The following PLXDC1 variants were observed in gnomAD, a reference collection of about 807,000 sequenced individuals.
PLXDC1 encodes plexin domain-containing protein 1.
A neutral mutation model predicts 61.3 loss-of-function variants in PLXDC1; 39 were observed. The ratio of observed to expected loss-of-function variants is 0.64; its 90% CI spans 0.49 to 0.83. The LOEUF (loss-of-function observed/expected upper bound fraction) is 0.83, where lower values mean the gene tolerates loss of function less well. PLXDC1 is among the 40% of genes least tolerant of loss of function. The pLI is 0.00. For synonymous variants in PLXDC1, 212 were observed against 254.5 expected (o/e 0.83, Z 1.59); for missense variants, 596 against 666.5 (o/e 0.89, Z 1.17).
At chr17:39,138,790 A>G (rs1377688418) in intron 2 of PLXDC1, among the ~76,000 whole-genome samples, 5 of 152,160 alleles carry the variant, frequency 3.3e-5, no homozygotes, top group South Asian at 2.1e-4. Flanking sequence ...AAATAAATCT[A>G]TACTGAGAAG....
Position 39,108,155 on chromosome 17 carries a change from G to A in PLXDC1, c.560C>T (p.Ser187Phe). 6.2e-7 allele frequency: 1 copy of A among 1,614,196 alleles called. No homozygotes were observed. The highest frequency in any genetic ancestry group is 8.5e-7 in the Non-Finnish European group (1 of 1,180,016). ...AAAGTAAACAACTGTGGAGTTGTCG[G>A]AGTAGCCAGGGTTGAAGTTGGCCAT... ...PLMANFNPGY[S>F]DNSTVVYFDN... The change falls in exon 5 of 14, where the codon TCC (serine) becomes TTC (phenylalanine). Residue 187 changes from serine (S) to phenylalanine (F), a missense_variant. Ser to Phe is a radical substitution (Grantham distance 155). Coordinates refer to ENST00000315392, the MANE Select transcript of PLXDC1 (RefSeq NM_020405.5).
intron 1 of PLXDC1, among the ~76,000 whole-genome samples, chr17:39,150,903 G>T (rs2045368211): frequency 1.3e-5 from 2 of 152,182 alleles, no homozygotes; most frequent in Non-Finnish European, 2.9e-5. Flanking sequence ...CATCCCCCTG[G>T]CTGCTCCCAC....
intron 2 of PLXDC1, among the ~76,000 whole-genome samples, chr17:39,112,700 G>A (rs781090209): frequency 6.6e-6 from 1 of 152,086 alleles, no homozygotes; most frequent in Non-Finnish European, 1.5e-5. Flanking sequence ...TCACCTCTGT[G>A]CCTATGGCTC....
At chr17:39,108,499 C>T (rs1910675914) in intron 4 of PLXDC1, 4 of 560,512 alleles carry the variant, frequency 7.1e-6, no homozygotes, top group East Asian at 3.0e-5. Context: ...GAGGAGAGGA[C>T]TCACAGCTTT....
Position 39,077,893 on chromosome 17 carries a change from C to G in PLXDC1, c.1186+20G>C. ...CCTTCCTGGCCTCCTCTCTGCTCCCCTCCTGGGCTCAGAACTTACCTTCTG... is the reference window on the plus strand; with the variant it reads ...CCTTCCTGGCCTCCTCTCTGCTCCCGTCCTGGGCTCAGAACTTACCTTCTG... On this transcript the variant is annotated intron_variant, in intron 11 of 13. Transcript: ENST00000315392. 1 of 1,613,902 alleles carries G rather than the reference C, an allele frequency of 6.2e-7. No homozygotes were observed. The highest frequency in any genetic ancestry group is 8.5e-7 in the Non-Finnish European group (1 of 1,179,836).
intron 2 of PLXDC1, among the ~76,000 whole-genome samples, chr17:39,118,990 A>G (rs12943700): frequency 2.0e-5 from 3 of 152,248 alleles, no homozygotes; most frequent in African/African-American, 7.2e-5. Flanking sequence ...TGATCCACAG[A>G]AAGGAAAGGC....
intron 11 of PLXDC1, among the ~76,000 whole-genome samples, chr17:39,073,955 T>A (rs879670368): frequency 2.0e-5 from 3 of 152,178 alleles, no homozygotes; most frequent in Admixed American, 6.5e-5. Context: ...CCAGGCCCCA[T>A]GTCTCCCACT....
At chr17:39,103,845 C>CAA (rs11370520) in intron 7 of PLXDC1, among the ~76,000 whole-genome samples, 17,825 of 116,188 alleles carry the variant, frequency 0.15, 1,614 homozygotes, top group African/African-American at 0.24. Context: ...GACTCTGTCT[C>CAA]AAAAAAAAAA....
rs2045370907 is a variant in PLXDC1, at chr17:39,151,299, C to T, written c.76+63G>A. On this transcript the variant is annotated intron_variant, in intron 1 of 13. Coordinates refer to ENST00000315392, the MANE Select transcript of PLXDC1 (RefSeq NM_020405.5). The surrounding 1 kb of genome is among the most constrained non-coding windows in gnomAD (Gnocchi z 5.2). ...CAGGCCGTCCACACCTGCCCATGCC[C>T]ACACCTGACTGCCCGTCCCTCCCCG... 8.4e-7 allele frequency: 1 copy of T among 1,196,476 alleles called. No homozygotes were observed. Among genetic ancestry groups the T allele is most frequent in the Non-Finnish European group, 1.1e-6 (1 of 946,304 alleles). The allele number at this position is 1,196,476 out of a possible 1,614,324, so 74.1% of individuals were successfully genotyped here.
intron 4 of PLXDC1, 192 bp from the exon 5 acceptor site, chr17:39,108,437 G>T (rs1031482342): frequency 1.7e-6 from 1 of 603,640 alleles, no homozygotes; most frequent in Non-Finnish European, 2.9e-6. Context: ...ATAGGAGAAG[G>T]TCCTCCCTGT....
intron 7 of PLXDC1, among the ~76,000 whole-genome samples, chr17:39,099,553 T>C (rs566870934): frequency 4.6e-5 from 7 of 150,880 alleles, no homozygotes; most frequent in African/African-American, 1.7e-4. Flanking sequence ...ACTCTGTGGG[T>C]GTTTGGGGGA....
intron 2 of PLXDC1, among the ~76,000 whole-genome samples, chr17:39,114,511 T>G (rs1440307379): frequency 1.3e-5 from 2 of 152,266 alleles, no homozygotes; most frequent in Admixed American, 6.5e-5. Flanking sequence ...ACTTGGATTT[T>G]ATACACATCT....
intron 2 of PLXDC1, among the ~76,000 whole-genome samples, chr17:39,138,391 T>C (rs1462169224): frequency 2.6e-5 from 4 of 152,180 alleles, no homozygotes; most frequent in Admixed American, 2.6e-4. Context: ...CCTGCCTGGA[T>C]TAGAAGTGAA....
intron 2 of PLXDC1, among the ~76,000 whole-genome samples, chr17:39,134,530 G>A (rs1911672860): frequency 6.6e-6 from 1 of 151,132 alleles, no homozygotes; most frequent in African/African-American, 2.4e-5. Flanking sequence ...GGAGGCTGAA[G>A]CACGAGAATT....
intron 2 of PLXDC1, among the ~76,000 whole-genome samples, chr17:39,115,462 C>G (rs892266514): frequency 3.3e-5 from 5 of 152,198 alleles, no homozygotes; most frequent in African/African-American, 1.2e-4. Context: ...TGCTGCAGGT[C>G]CCAAACAGGC....
In PLXDC1 at chr17:39,131,478, G is replaced by A. The variant is rs533035281; in HGVS notation, c.255+8176C>T. Among the ~76,000 whole-genome samples the A allele has an allele frequency of 2.6e-5, 4 of 151,960 alleles. No homozygotes were observed. In the South Asian group the frequency reaches 6.2e-4, roughly 24 times the overall value. ...AGCGATTCTCCTGCCTCAGCTTCCC[G>A]AGTAACTAAGATTATAGGCGTGCAC... is the stretch of plus-strand genomic sequence containing the variant. On this transcript the variant is annotated intron_variant, in intron 2 of 13. Transcript: ENST00000315392.
rs75716581 is a variant in PLXDC1, at chr17:39,072,350, C to T, written c.1222+100G>A. The T allele has an allele frequency of 4.7e-4, 395 of 832,498 alleles. 5 individuals carry two copies. In the East Asian group the frequency reaches 0.01, roughly 21 times the overall value. The allele number at this position is 832,498 out of a possible 1,614,324, so 51.6% of individuals were successfully genotyped here. ...GCTCAGGCTGCCGTTGCTCCCTCTC[C>T]GCACTCATAAAAATAGCCCAGGCGA... On this transcript the variant is annotated intron_variant, in intron 12 of 13. Coordinates refer to ENST00000315392, the MANE Select transcript of PLXDC1 (RefSeq NM_020405.5).
At chr17:39,094,295 A>C (rs911862196) in intron 7 of PLXDC1, among the ~76,000 whole-genome samples, 1 of 152,154 alleles carries the variant, frequency 6.6e-6, no homozygotes, top group African/African-American at 2.4e-5. Context: ...CTTCCCCTTC[A>C]GCACCAAAAC....
chr17:39,122,277 C>T (rs1045226863), intron 2 of PLXDC1, among the ~76,000 whole-genome samples: 1 of 148,376 alleles, frequency 6.7e-6, no homozygotes, highest in Non-Finnish European at 1.5e-5. Context: ...TGGTGAGGCA[C>T]ACCTGTAATC....
Sources: allele counts gnomAD v4.1 joint callset (sites outside exome capture counted in the v4.1 genomes callset), GRCh38; gene constraint gnomAD v4.1.1; non-coding constraint Gnocchi (gnomAD v3.1); transcripts MANE v1.5; gene names NCBI Gene and HGNC (gene_info 2026-07-23, HGNC 2026-07-21).